The following RBFOX1 variants were observed in gnomAD, a reference collection of about 807,000 sequenced individuals.
RBFOX1 encodes the protein RNA binding fox-1 homolog 1.
In RBFOX1, 8 loss-of-function variants were observed where a neutral mutation model predicts 57.7. The ratio of observed to expected loss-of-function variants is 0.14; its 90% CI spans 0.08 to 0.25. The LOEUF is 0.25. RBFOX1 is among the 10% of genes least tolerant of loss of function. RBFOX1 has a pLI of 1.00. For synonymous variants in RBFOX1, 326 were observed against 222.4 expected (o/e 1.47, Z -4.15); for missense variants, 611 against 548.5 (o/e 1.11, Z -1.14).
At chr16:6,836,445 G>T (rs1313288828) in intron 3 of RBFOX1, among the ~76,000 whole-genome samples, 2 of 152,088 alleles carry the variant, frequency 1.3e-5, no homozygotes, top group Non-Finnish European at 2.9e-5. Context: ...TATTTGTTTG[G>T]GGATTCTGCT....
At chr16:5,956,674 A>T (rs373153030) in intron 4 of RBFOX1, among the ~76,000 whole-genome samples, 25,875 of 88,222 alleles carry the variant, frequency 0.29, 3,643 homozygotes, top group Non-Finnish European at 0.34. Flanking sequence ...ATATATATAT[A>T]TATATTTTTT....
Position 5,868,413 on chromosome 16 carries a change from C to T in RBFOX1, c.351+1078C>T, listed in dbSNP as rs527940681. Among the ~76,000 whole-genome samples the T allele has an allele frequency of 1.4e-4, 22 of 152,308 alleles. No individual in the cohort carries two copies. The East Asian group carries it at 3.5e-3, about 24-fold the overall frequency. ...CATAAATGGGTTAACTGTGGGTTTT[C>T]GCTTTCCTCAGGTATACCATGGGGA... On this transcript the variant is annotated intron_variant, in intron 4 of 19. Transcript: ENST00000641259.
chr16:6,203,443 G>C lies in RBFOX1; in HGVS notation c.-126-113552G>C, dbSNP rs574230885. Among the ~76,000 whole-genome samples, 3 of 152,312 alleles carry C rather than the reference G, an allele frequency of 2.0e-5. No individual in the cohort carries two copies. The East Asian group carries it at 5.8e-4, about 29-fold the overall frequency. On this transcript the variant is annotated intron_variant, in intron 1 of 15. Coordinates refer to ENST00000550418, the MANE Select transcript of RBFOX1 (RefSeq NM_018723.4). ...GGATTTACTTCCTTTTTAAGACTGA[G>C]TAATATCACTGCATGTATGCCATTT...
Position 7,597,187 on chromosome 16 carries a change from T to C in RBFOX1, c.562-184T>C, listed in dbSNP as rs1473053106. The C allele has an allele frequency of 6.0e-6, 3 of 502,810 alleles. No homozygotes were observed. The East Asian group carries it at 1.0e-4, about 17-fold the overall frequency. The allele number at this position is 502,810 out of a possible 1,614,324, so 31.1% of individuals were successfully genotyped here. On this transcript the variant is annotated intron_variant, in intron 8 of 15. Transcript: ENST00000550418. ...AAATGATTTGTAAGTTAAACGGTTA[T>C]GAAGTAAATGTAATTTTAAAAATGT...
At chr16:5,476,999 CT>C (rs796423042) in intron 2 of RBFOX1, among the ~76,000 whole-genome samples, 14 of 152,174 alleles carry the variant, frequency 9.2e-5, no homozygotes, top group African/African-American at 2.9e-4. Flanking sequence ...CATTGGTAAA[CT>C]ATTTTGGTGT....
At chr16:7,059,136 A>G (rs2053450792) in intron 4 of RBFOX1, among the ~76,000 whole-genome samples, 1 of 152,220 alleles carries the variant, frequency 6.6e-6, no homozygotes, top group African/African-American at 2.4e-5. Flanking sequence ...GACATCAGAT[A>G]ATGAAACTTC....
chr16:7,614,716 TAG>T (rs2058140429), intron 10 of RBFOX1: 1 of 152,168 alleles, frequency 6.6e-6, no homozygotes, highest in Admixed American at 6.5e-5. Context: ...ATTGTCCACA[TAG>T]TGAGAAACTC....
At chr16:6,979,331 G>A (rs1156240191) in intron 3 of RBFOX1, among the ~76,000 whole-genome samples, 1 of 152,116 alleles carries the variant, frequency 6.6e-6, no homozygotes, top group Non-Finnish European at 1.5e-5. Flanking sequence ...TCAGTTGAGG[G>A]TAGCTATTAG....
chr16:7,463,102 G>A (rs1189231963), intron 4 of RBFOX1, among the ~76,000 whole-genome samples: 2 of 152,324 alleles, frequency 1.3e-5, no homozygotes, highest in East Asian at 3.9e-4. Flanking sequence ...GATCAGGGTA[G>A]AGTGAATGTC....
At position 5,474,611 on chromosome 16, in the gene RBFOX1, G is replaced by A. The variant is rs938100730; in HGVS notation, c.258+7357G>A. On this transcript the variant is annotated intron_variant, in intron 2 of 2. Coordinates refer to the RBFOX1 transcript ENST00000585867. ...AGAGGTTGCAGTGAGCTGAGATCGC[G>A]CCATTGCACTCCAGCCTGGGGGACA... Among the ~76,000 whole-genome samples, 31 of 151,518 alleles carry A rather than the reference G, an allele frequency of 2.0e-4. 1 individual carries two copies. The highest frequency in any genetic ancestry group is 1.3e-4 in the Admixed American group (2 of 15,202).
chr16:7,481,806 C>G (rs892361723), intron 4 of RBFOX1, among the ~76,000 whole-genome samples: 1 of 152,166 alleles, frequency 6.6e-6, no homozygotes, highest in African/African-American at 2.4e-5. Context: ...AACATCACAG[C>G]TTAGCCTAGC....
At chr16:7,092,983 A>G (rs2061112033) in intron 4 of RBFOX1, among the ~76,000 whole-genome samples, 1 of 152,192 alleles carries the variant, frequency 6.6e-6, no homozygotes, top group Admixed American at 6.5e-5. Context: ...TGTGCTGGAA[A>G]TTGCCTCTGG....
intron 4 of RBFOX1, among the ~76,000 whole-genome samples, chr16:5,926,513 C>G (rs112312420): frequency 8.5e-5 from 13 of 152,124 alleles, no homozygotes; most frequent in African/African-American, 3.1e-4. Context: ...CAATCATTAT[C>G]CCATGCCAAT....
chr16:7,437,594 G>C (rs149554381), intron 4 of RBFOX1, among the ~76,000 whole-genome samples: 1 of 152,168 alleles, frequency 6.6e-6, no homozygotes, highest in African/African-American at 2.4e-5. Context: ...CTGCTCCCCG[G>C]CAACATAAAA....
intron 4 of RBFOX1, among the ~76,000 whole-genome samples, chr16:5,921,090 A>C (rs747184719): frequency 1.3e-5 from 2 of 152,150 alleles, no homozygotes; most frequent in East Asian, 3.9e-4. Context: ...ATTGCAAGCA[A>C]TTCTGTAAAT....
intron 4 of RBFOX1, among the ~76,000 whole-genome samples, chr16:7,269,586 A>C (rs1040828512): frequency 1.3e-5 from 2 of 152,176 alleles, no homozygotes; most frequent in African/African-American, 4.8e-5. Flanking sequence ...CCATGCCATG[A>C]ATCATTTTGG....
chr16:7,419,427 C>G (rs1183777104), intron 4 of RBFOX1, among the ~76,000 whole-genome samples: 1 of 152,158 alleles, frequency 6.6e-6, no homozygotes, highest in Non-Finnish European at 1.5e-5. Context: ...GGCCAGCATC[C>G]CACTCCCGCC....
At chr16:5,469,628 C>G (rs973556448) in intron 2 of RBFOX1, among the ~76,000 whole-genome samples, 1 of 152,132 alleles carries the variant, frequency 6.6e-6, no homozygotes, top group Non-Finnish European at 1.5e-5. Flanking sequence ...TTTGTCACCC[C>G]CAAAGGAGAC....
At chr16:7,436,458 G>C (rs1470487411) in intron 4 of RBFOX1, among the ~76,000 whole-genome samples, 3 of 152,204 alleles carry the variant, frequency 2.0e-5, no homozygotes, top group Admixed American at 2.0e-4. Flanking sequence ...TCAGATCACT[G>C]TCAAACACAG....
Sources: allele counts gnomAD v4.1 joint callset (sites outside exome capture counted in the v4.1 genomes callset), GRCh38; gene constraint gnomAD v4.1.1; transcripts MANE v1.5; gene names NCBI Gene and HGNC (gene_info 2026-07-23, HGNC 2026-07-21).